Variants in RXFP2 observed in about 807,000 individuals in gnomAD.
RXFP2 encodes the protein relaxin receptor 2.
Under a neutral mutation model 88.6 loss-of-function variants are expected in RXFP2, and 68 were observed. The observed-to-expected ratio is 0.77, with a 90% CI of 0.63 to 0.94. The LOEUF (loss-of-function observed/expected upper bound fraction) is 0.94, where lower values mean the gene tolerates loss of function less well. RXFP2 is among the 40% of genes least tolerant of loss of function. The probability of loss-of-function intolerance (pLI) is 0.00; values close to 1 mark genes in which losing one functional copy is unlikely to be tolerated. For missense variants in RXFP2, 791 were observed against 893.9 expected (o/e 0.88, Z 1.47); for synonymous variants, 329 against 306.8 (o/e 1.07, Z -0.76).
chr13:31,748,725 G>A (rs759523755), intron 1 of RXFP2, among the ~76,000 whole-genome samples: 7 of 152,080 alleles, frequency 4.6e-5, no homozygotes, highest in Non-Finnish European at 7.3e-5. Context: ...TAAAAATCTC[G>A]CCTGTAATCC....
chr13:31,794,442 C>T (rs1392141007), intron 16 of RXFP2, among the ~76,000 whole-genome samples: 1 of 150,396 alleles, frequency 6.6e-6, no homozygotes, highest in Non-Finnish European at 1.5e-5. Flanking sequence ...GGCATTTATT[C>T]AGCACTCACT....
Position 31,775,321 on chromosome 13 carries a change from T to A in RXFP2, c.573T>A (p.Tyr191Ter), listed in dbSNP as rs761167251. The A allele has an allele frequency of 6.2e-6, 10 of 1,612,780 alleles. No individual in the cohort carries two copies. The highest frequency in any genetic ancestry group is 7.6e-6 in the Non-Finnish European group (9 of 1,178,974). Reference protein sequence around the residue: ...FFGLCNLQILYLNHNCITTLR... With the variant: ...FFGLCNLQIL Reference sequence around the variant, plus strand: ...AACTCACCCATGCTATTTGTAGATATCTCAACCACAACTGCATCACAACCC... The same window carrying A: ...AACTCACCCATGCTATTTGTAGATAACTCAACCACAACTGCATCACAACCC... The change falls in exon 7 of 18, where the codon TAT becomes TAA. Residue 191 changes from tyrosine to a stop codon, truncating the protein, a stop_gained. Transcript: ENST00000298386. LOFTEE classifies it high-confidence loss of function.
chr13:31,802,191 G>A lies in RXFP2; in HGVS notation c.2051G>A (p.Ser684Asn). The A allele has an allele frequency of 6.2e-7, 1 of 1,613,586 alleles. No homozygotes were observed. The highest frequency in any genetic ancestry group is 8.5e-7 in the Non-Finnish European group (1 of 1,179,864). ...WIVIFFLPVN[S>N]ALNPILYTLT... ...GTGATTTTTTTCCTTCCAGTTAACA[G>A]TGCTTTGAATCCAATCCTCTATACT... Residue 684 changes from serine (S) to asparagine (N), a missense_variant, in exon 18 of 18, where the codon AGT becomes AAT. Physicochemically the swap from Ser to Asn is conservative, Grantham distance 46. Transcript: ENST00000298386.
intron 2 of RXFP2, among the ~76,000 whole-genome samples, chr13:31,761,502 A>T (rs1420115890): frequency 6.6e-6 from 1 of 152,240 alleles, no homozygotes; most frequent in Admixed American, 6.5e-5. Context: ...ATATACTTGC[A>T]TTGCAAATTT....
At position 31,780,420 on chromosome 13, in the gene RXFP2, C is replaced by A. The variant is rs868086988; in HGVS notation, c.786-1251C>A. ...AAAACATTTTTTCCATTCCATTTCA[C>A]AATATTTGGATTTTTAGGAGAGTAT... On this transcript the variant is annotated intron_variant, in intron 9 of 17. Transcript: ENST00000298386. 2.6e-5 allele frequency among the ~76,000 whole-genome samples: 4 copies of A among 152,148 alleles called. No homozygotes were observed. In the South Asian group the frequency reaches 8.3e-4, roughly 32 times the overall value.
At chr13:31,760,777 T>C (rs1872269639) in intron 2 of RXFP2, among the ~76,000 whole-genome samples, 1 of 152,236 alleles carries the variant, frequency 6.6e-6, no homozygotes, top group Non-Finnish European at 1.5e-5. Context: ...TTATAATGCA[T>C]ATTTTATTAT....
chr13:31,762,815 A>G (rs1489207222), intron 3 of RXFP2, among the ~76,000 whole-genome samples: 1 of 152,184 alleles, frequency 6.6e-6, no homozygotes, highest in Non-Finnish European at 1.5e-5. Context: ...AAGTTCTACT[A>G]TTCTACCTGA....
intron 13 of RXFP2, among the ~76,000 whole-genome samples, chr13:31,788,538 C>T (rs189932535): frequency 2.0e-5 from 3 of 152,112 alleles, no homozygotes; most frequent in South Asian, 4.2e-4. Flanking sequence ...CCTTTGAGGA[C>T]ATTTTATGGG....
rs149859562 is a variant in RXFP2 at position 31,739,637 on chromosome 13, C to A, written c.25C>A (p.His9Asn). Residue 9 changes from histidine to asparagine, a missense_variant, in exon 1 of 18, where the codon CAT becomes AAT. Physicochemically the swap from His to Asn is moderately conservative, Grantham distance 68. Coordinates refer to ENST00000298386, the MANE Select transcript of RXFP2 (RefSeq NM_130806.5). ...TATGATTGTTTTTCTGGTTTTTAAA[C>A]ATCTCTTCAGCCTCAGATTGATTAC... MIVFLVFK[H>N]LFSLRLITMF... 1 of 1,605,710 alleles carries A rather than the reference C, an allele frequency of 6.2e-7. No homozygotes were observed.
chr13:31,780,806 G>A (rs950271238), intron 9 of RXFP2, among the ~76,000 whole-genome samples: 2 of 152,224 alleles, frequency 1.3e-5, no homozygotes, highest in African/African-American at 4.8e-5. Flanking sequence ...CCCCAGCAGT[G>A]CTTCTCAGAC....
At position 31,776,844 on chromosome 13, in the gene RXFP2, T is replaced by C. The variant is rs58675476; in HGVS notation, c.642-532T>C. 2.6e-5 allele frequency among the ~76,000 whole-genome samples: 4 copies of C among 152,272 alleles called. No individual in the cohort carries two copies. In the East Asian group the frequency reaches 7.7e-4, roughly 29 times the overall value. The stretch of plus-strand genomic sequence containing the variant: ...TTCTATAAAATATAGTTTAAAACAG[T>C]GGTTTGAATATGCAAATAGTTTCAC... On this transcript the variant is annotated intron_variant, in intron 7 of 17. Transcript: ENST00000298386.
At chr13:31,753,300 G>C (rs1276773356) in intron 1 of RXFP2, among the ~76,000 whole-genome samples, 1 of 152,172 alleles carries the variant, frequency 6.6e-6, no homozygotes, top group Non-Finnish European at 1.5e-5. Flanking sequence ...GCAAAAAATA[G>C]CCTTGAGCAG....
intron 4 of RXFP2, among the ~76,000 whole-genome samples, chr13:31,765,606 AGTCAT>A (rs1872519631): frequency 6.6e-6 from 1 of 152,168 alleles, no homozygotes; most frequent in Non-Finnish European, 1.5e-5. Flanking sequence ...AGGAATTTGC[AGTCAT>A]GTCATCATTT....
Position 31,741,401 on chromosome 13 carries a change from C to T in RXFP2, c.94+1695C>T, listed in dbSNP as rs542037238. ...TTAATCAATGCTTTGACATTTTATT[C>T]CTACTTATAAAAATAATAGAATTTG... is the stretch of plus-strand genomic sequence containing the variant. On this transcript the variant is annotated intron_variant, in intron 1 of 17. Transcript: ENST00000298386. Among the ~76,000 whole-genome samples, 18 of 152,076 alleles carry T rather than the reference C, an allele frequency of 1.2e-4. No homozygotes were observed. In the South Asian group the frequency reaches 2.9e-3, roughly 25 times the overall value.
chr13:31,794,583 C>T (rs1566237389), intron 16 of RXFP2, among the ~76,000 whole-genome samples: 1 of 152,070 alleles, frequency 6.6e-6, no homozygotes, highest in African/African-American at 2.4e-5. Context: ...CTGATAAATG[C>T]CATCAAGGAA....
Position 31,792,853 on chromosome 13 carries a change from T to C in RXFP2, c.1551T>C (p.Thr517=). The C allele has an allele frequency of 6.2e-7, 1 of 1,614,158 alleles. No individual in the cohort carries two copies. Among genetic ancestry groups the C allele is most frequent in the Non-Finnish European group, 8.5e-7 (1 of 1,180,036 alleles). The change falls in exon 16 of 18, where the codon ACT becomes ACC. Residue 517 remains threonine (T), a synonymous_variant. Coordinates refer to ENST00000298386, the MANE Select transcript of RXFP2 (RefSeq NM_130806.5). ...CTGTTCTGCTACTGACCTACTTGAC[T>C]TTGGAGAAGTTCCTGGTCATTGTCT... ...EVSVLLLTYL[T]LEKFLVIVFP...
intron 1 of RXFP2, among the ~76,000 whole-genome samples, chr13:31,752,742 T>C (rs1871727964): frequency 6.6e-6 from 1 of 152,184 alleles, no homozygotes; most frequent in Admixed American, 6.5e-5. Flanking sequence ...ACTCCGCTGA[T>C]GGAGCTACTT....
intron 1 of RXFP2, among the ~76,000 whole-genome samples, chr13:31,747,601 G>A (rs907233708): frequency 4.6e-5 from 7 of 152,132 alleles, no homozygotes; most frequent in African/African-American, 1.7e-4. Context: ...TCCGGAAAAT[G>A]TTAATTAAGT....
At chr13:31,759,197 G>A (rs574875872) in intron 2 of RXFP2, among the ~76,000 whole-genome samples, 1 of 151,726 alleles carries the variant, frequency 6.6e-6, no homozygotes, top group East Asian at 1.9e-4. Flanking sequence ...TTGACCTTGT[G>A]GAGTTCACAT....
Sources: allele counts gnomAD v4.1 joint callset (sites outside exome capture counted in the v4.1 genomes callset), GRCh38; gene constraint gnomAD v4.1.1; transcripts MANE v1.5; gene names NCBI Gene and HGNC (gene_info 2026-07-23, HGNC 2026-07-21).